The following ZNF385D variants were observed in gnomAD, a reference collection of about 807,000 sequenced individuals.
ZNF385D encodes the protein zinc finger protein 659.
A neutral mutation model predicts 35.8 loss-of-function variants in ZNF385D; 15 were observed. The ratio of observed to expected loss-of-function variants is 0.42; its 90% confidence interval spans 0.28 to 0.64. ZNF385D has a LOEUF of 0.64. Among genes scored for constraint, ZNF385D ranks in the 30% least tolerant of loss-of-function variants. The pLI, the probability that ZNF385D is intolerant of heterozygous loss-of-function variation, is 0.23. For missense variants in ZNF385D, 474 were observed against 494.6 expected, an observed-to-expected ratio of 0.96 and a Z score of 0.39; for synonymous variants, 212 against 186.8, an observed-to-expected ratio of 1.13 and a Z score of -1.10.
intron 2 of ZNF385D, among the ~76,000 whole-genome samples, chr3:21,574,553 T>C (rs1180710113): frequency 2.0e-5 from 3 of 152,146 alleles, no homozygotes; most frequent in African/African-American, 7.2e-5. Context: ...TTTAAATCTT[T>C]AGTTGTAATC....
intron 3 of ZNF385D, among the ~76,000 whole-genome samples, chr3:21,540,068 G>C (rs2062135342): frequency 6.6e-6 from 1 of 152,104 alleles, no homozygotes; most frequent in Admixed American, 6.5e-5. Flanking sequence ...TAATACATAG[G>C]CTACACTGCT....
intron 2 of ZNF385D, among the ~76,000 whole-genome samples, chr3:22,251,016 C>T (rs1700034156): frequency 6.6e-6 from 1 of 152,004 alleles, no homozygotes. Flanking sequence ...CAACACCAAT[C>T]AATCGCCCTT....
chr3:21,941,495 T>C (rs1308715713), intron 3 of ZNF385D, among the ~76,000 whole-genome samples: 1 of 78,302 alleles, frequency 1.3e-5, no homozygotes, highest in South Asian at 4.2e-4. Flanking sequence ...TTACTCTTTT[T>C]TTTTTTTTTT....
At chr3:21,480,046 T>C (rs950122826) in intron 4 of ZNF385D, among the ~76,000 whole-genome samples, 1 of 151,914 alleles carries the variant, frequency 6.6e-6, no homozygotes, top group Non-Finnish European at 1.5e-5. Flanking sequence ...TATACAGAGA[T>C]GGTGGCATAT....
At chr3:22,371,906 T>A (rs1030002175) in intron 2 of ZNF385D, among the ~76,000 whole-genome samples, 3 of 150,664 alleles carry the variant, frequency 2.0e-5, no homozygotes, top group African/African-American at 7.3e-5. Flanking sequence ...GTATCTCAGG[T>A]TTTTTTAAGT....
chr3:22,301,831 G>T (rs867497005), intron 2 of ZNF385D, among the ~76,000 whole-genome samples: 1 of 152,150 alleles, frequency 6.6e-6, no homozygotes, highest in Middle Eastern at 3.4e-3. Context: ...CTATTGTCCT[G>T]TTGATTTTTA....
intron 3 of ZNF385D, among the ~76,000 whole-genome samples, chr3:22,058,000 G>A (rs1435646796): frequency 3.3e-5 from 5 of 152,192 alleles, no homozygotes; most frequent in African/African-American, 7.2e-5. Context: ...TGGAAAATAA[G>A]TGAATGAATA....
At chr3:21,997,207 A>G (rs1428228117) in intron 3 of ZNF385D, among the ~76,000 whole-genome samples, 6 of 152,182 alleles carry the variant, frequency 3.9e-5, no homozygotes. Context: ...AGGGACATGG[A>G]TGAAGCTGGA....
chr3:22,371,744 A>G (rs1343786701), intron 2 of ZNF385D, among the ~76,000 whole-genome samples: 1 of 152,150 alleles, frequency 6.6e-6, no homozygotes, highest in Non-Finnish European at 1.5e-5. Context: ...ATGGAAGCGT[A>G]AAAAGAGGCA....
At chr3:21,961,103 G>C (rs1253650965) in intron 3 of ZNF385D, among the ~76,000 whole-genome samples, 1 of 151,876 alleles carries the variant, frequency 6.6e-6, no homozygotes, top group African/African-American at 2.4e-5. Context: ...TAATAAATGA[G>C]GAGACACGTG....
At chr3:21,557,963 A>G (rs1283689425) in intron 3 of ZNF385D, among the ~76,000 whole-genome samples, 5 of 152,024 alleles carry the variant, frequency 3.3e-5, no homozygotes, top group Admixed American at 6.6e-5. Flanking sequence ...GTATTCTCTG[A>G]TGGTAGTTTG....
chr3:21,716,708 T>A (rs192638807), intron 1 of ZNF385D, among the ~76,000 whole-genome samples: 1 of 152,196 alleles, frequency 6.6e-6, no homozygotes, highest in Admixed American at 6.5e-5. Context: ...TCATACAGCA[T>A]AGAGAACACT....
At chr3:21,764,013 G>T (rs2070727919) in intron 3 of ZNF385D, among the ~76,000 whole-genome samples, 1 of 152,142 alleles carries the variant, frequency 6.6e-6, no homozygotes, top group Admixed American at 6.6e-5. Flanking sequence ...ATGGAAGGTG[G>T]ATCAATGGCT....
In ZNF385D at chr3:22,290,887, A is replaced by T. The variant is rs80183722; in HGVS notation, c.106+81563T>A. Among the ~76,000 whole-genome samples the T allele has an allele frequency of 4.3e-3, 648 of 152,192 alleles. 8 individuals carry two copies. Among genetic ancestry groups the T allele is most frequent in the East Asian group, 0.036 (184 of 5,158 alleles). On this transcript the variant is annotated intron_variant, in intron 2 of 5. Transcript: ENST00000494108. ...AATGGCTCTGTAGTATCCATTTGCC[A>T]AGATTTCCTAAATTATTTCCACTAA...
chr3:21,956,891 C>A (rs1204085079), intron 3 of ZNF385D, among the ~76,000 whole-genome samples: 1 of 151,806 alleles, frequency 6.6e-6, no homozygotes, highest in East Asian at 2.0e-4. Context: ...ACCTTACCTT[C>A]AAGTTTATCA....
At chr3:22,130,842 T>C (rs1703743492) in intron 3 of ZNF385D, among the ~76,000 whole-genome samples, 1 of 152,178 alleles carries the variant, frequency 6.6e-6, no homozygotes, top group African/African-American at 2.4e-5. Context: ...TTCAATTTGA[T>C]GTTCCTTTGG....
intron 3 of ZNF385D, among the ~76,000 whole-genome samples, chr3:21,793,817 T>C (rs2072028818): frequency 6.6e-6 from 1 of 152,168 alleles, no homozygotes. Context: ...GATGCTGAAA[T>C]CCACAAAAAG....
intron 3 of ZNF385D, among the ~76,000 whole-genome samples, chr3:21,833,295 G>A (rs1231731440): frequency 6.6e-6 from 1 of 152,036 alleles, no homozygotes; most frequent in Non-Finnish European, 1.5e-5. Context: ...TACTTCATAT[G>A]GCAAAAGTAT....
chr3:21,893,435 G>C (rs1040354000), intron 3 of ZNF385D, among the ~76,000 whole-genome samples: 1 of 152,106 alleles, frequency 6.6e-6, no homozygotes, highest in Non-Finnish European at 1.5e-5. Context: ...TACTGCACTG[G>C]TCTGTGGTCT....
Sources: gnomAD v4.1 joint callset for allele counts (sites outside exome capture counted in the v4.1 genomes callset) on GRCh38, gnomAD v4.1.1 for gene constraint, MANE v1.5 for transcripts, NCBI Gene and HGNC (gene_info 2026-07-23, HGNC 2026-07-21) for gene names.